RBFOX1: variants seen among roughly 807,000 people sequenced by gnomAD.
RBFOX1 encodes the protein RNA binding fox-1 homolog 1.
RBFOX1 carries 8 observed loss-of-function variants against 57.7 expected under a neutral mutation model. That is an observed-to-expected ratio of 0.14 (90% CI 0.08 to 0.25). The LOEUF is 0.25. Ranked by LOEUF, RBFOX1 falls within the 10% of genes least tolerant of loss-of-function variation. The pLI is 1.00. For synonymous variants in RBFOX1, 326 were observed against 222.4 expected, an observed-to-expected ratio of 1.47 and a Z score of -4.15; for missense variants, 611 against 548.5, an observed-to-expected ratio of 1.11 and a Z score of -1.14.
intron 3 of RBFOX1, among the ~76,000 whole-genome samples, chr16:5,781,249 T>A (rs903022667): frequency 2.0e-5 from 3 of 152,046 alleles, no homozygotes; most frequent in Non-Finnish European, 4.4e-5. Flanking sequence ...ATCCTCTAAG[T>A]GGGGGAAATG....
At chr16:6,762,762 G>C (rs180931707) in intron 3 of RBFOX1, among the ~76,000 whole-genome samples, 2 of 151,208 alleles carry the variant, frequency 1.3e-5, no homozygotes, top group South Asian at 4.2e-4. Context: ...CTTACCCCAA[G>C]GGGATAGGGG....
intron 3 of RBFOX1, among the ~76,000 whole-genome samples, chr16:5,708,186 G>A (rs535374521): frequency 6.6e-6 from 1 of 152,274 alleles, no homozygotes; most frequent in Non-Finnish European, 1.5e-5. Context: ...GTTATCTCAT[G>A]AACTTGAACT....
chr16:7,644,692 A>G (rs2063424992), intron 11 of RBFOX1, among the ~76,000 whole-genome samples: 1 of 152,244 alleles, frequency 6.6e-6, no homozygotes, highest in Non-Finnish European at 1.5e-5. Flanking sequence ...AGTAGGGACC[A>G]ACATAGAGTC....
chr16:7,325,289 T>C (rs764473579), intron 4 of RBFOX1, among the ~76,000 whole-genome samples: 7 of 152,176 alleles, frequency 4.6e-5, no homozygotes, highest in Non-Finnish European at 8.8e-5. Flanking sequence ...TCGCAGATAA[T>C]AAATCTGAGG....
intron 4 of RBFOX1, among the ~76,000 whole-genome samples, chr16:7,157,914 A>G (rs1043795813): frequency 6.6e-6 from 1 of 152,190 alleles, no homozygotes; most frequent in African/African-American, 2.4e-5. Flanking sequence ...ACTTCCGAGG[A>G]GCTGTGTTTG....
At chr16:6,680,294 T>TTTTTTTTTTTTTTTTAGCCCAGGCTGG in intron 3 of RBFOX1, among the ~76,000 whole-genome samples, 1 of 103,052 alleles carries the variant, frequency 9.7e-6, no homozygotes, top group African/African-American at 3.6e-5. Flanking sequence ...TTTTTTTTTT[T>TTTTTTTTTTTTTTTTAGCCCAGGCTGG]ATTTGTCGCC....
intron 1 of RBFOX1, among the ~76,000 whole-genome samples, chr16:5,255,722 A>G (rs1019793093): frequency 1.3e-5 from 2 of 151,806 alleles, no homozygotes; most frequent in Admixed American, 1.3e-4. Flanking sequence ...CCATGTACGT[A>G]TCCATCCATC....
chr16:7,180,515 G>T lies in RBFOX1; in HGVS notation c.27+128417G>T, dbSNP rs768902936. Among the ~76,000 whole-genome samples the T allele has an allele frequency of 8.3e-4, 127 of 152,100 alleles. 1 individual carries two copies. The highest frequency in any genetic ancestry group is 1.5e-3 in the Non-Finnish European group (103 of 68,016). ...CACTAGTATTCATTTATCTGGTAGGGTCCTTTGATTTTATTGGGTAGTGCT... is the reference window on the plus strand; with the variant it reads ...CACTAGTATTCATTTATCTGGTAGGTTCCTTTGATTTTATTGGGTAGTGCT... On this transcript the variant is annotated intron_variant, in intron 4 of 15. Coordinates refer to ENST00000550418, the MANE Select transcript of RBFOX1 (RefSeq NM_018723.4).
chr16:5,773,754 G>C (rs979799195), intron 3 of RBFOX1, among the ~76,000 whole-genome samples: 1 of 152,138 alleles, frequency 6.6e-6, no homozygotes, highest in Admixed American at 6.5e-5. Flanking sequence ...CTGGAGTGCA[G>C]TGGTGTGATC....
intron 3 of RBFOX1, among the ~76,000 whole-genome samples, chr16:6,940,831 T>A (rs1239786647): frequency 3.9e-5 from 5 of 129,306 alleles, no homozygotes; most frequent in South Asian, 2.7e-4. Flanking sequence ...TACAGGCGCC[T>A]GCCACCATGT....
At chr16:7,076,708 C>T (rs1474593685) in intron 4 of RBFOX1, among the ~76,000 whole-genome samples, 1 of 152,164 alleles carries the variant, frequency 6.6e-6, no homozygotes, top group East Asian at 1.9e-4. Flanking sequence ...ATACCACCTT[C>T]CCATTTCTAA....
chr16:5,446,899 C>G lies in RBFOX1; in HGVS notation c.220-20317C>G, dbSNP rs1401542963. On this transcript the variant is annotated intron_variant, in intron 1 of 2. Transcript: ENST00000585867. ...CATCCCAGCTTCCCTAGGAAGTGGT[C>G]TTTTCTCCCTGAGGCTCCGTTTCCT... Among the ~76,000 whole-genome samples, 3 of 152,138 alleles carry G rather than the reference C, an allele frequency of 2.0e-5. No individual in the cohort carries two copies. The East Asian group carries it at 5.8e-4, about 29-fold the overall frequency.
At chr16:6,512,399 G>A (rs143990453) in intron 2 of RBFOX1, among the ~76,000 whole-genome samples, 1 of 151,948 alleles carries the variant, frequency 6.6e-6, no homozygotes, top group East Asian at 1.9e-4. Context: ...TTCAAGCCTC[G>A]GGTAGGATAG....
At chr16:6,805,020 A>G (rs951117640) in intron 3 of RBFOX1, among the ~76,000 whole-genome samples, 2 of 152,178 alleles carry the variant, frequency 1.3e-5, no homozygotes, top group Admixed American at 6.5e-5. Context: ...ATACCATTTG[A>G]CCTACCAGTC....
At chr16:7,268,276 A>C (rs1213754308) in intron 4 of RBFOX1, among the ~76,000 whole-genome samples, 1 of 152,164 alleles carries the variant, frequency 6.6e-6, no homozygotes, top group Non-Finnish European at 1.5e-5. Flanking sequence ...TTGCATTTTC[A>C]AAATATTTTG....
At chr16:5,869,031 G>A (rs1355497730) in intron 4 of RBFOX1, among the ~76,000 whole-genome samples, 1 of 152,100 alleles carries the variant, frequency 6.6e-6, no homozygotes, top group Non-Finnish European at 1.5e-5. Context: ...GAGTGAACTG[G>A]GACTTAGAAA....
At chr16:5,968,447 T>A (rs2059895668) in intron 4 of RBFOX1, among the ~76,000 whole-genome samples, 1 of 152,222 alleles carries the variant, frequency 6.6e-6, no homozygotes, top group Non-Finnish European at 1.5e-5. Flanking sequence ...TTACAGTTTA[T>A]ATCCTTTCTG....
chr16:7,095,679 G>C (rs1013608878), intron 4 of RBFOX1, among the ~76,000 whole-genome samples: 1 of 152,138 alleles, frequency 6.6e-6, no homozygotes, highest in Admixed American at 6.5e-5. Flanking sequence ...GTAAGGTCTT[G>C]GTTGATCACT....
intron 5 of RBFOX1, among the ~76,000 whole-genome samples, chr16:7,529,291 A>C (rs1180138397): frequency 6.6e-6 from 1 of 152,064 alleles, no homozygotes; most frequent in Non-Finnish European, 1.5e-5. Context: ...GAAAAAGAAA[A>C]CTCAAATACT....
Sources: gnomAD v4.1 joint callset for allele counts (sites outside exome capture counted in the v4.1 genomes callset) on GRCh38, gnomAD v4.1.1 for gene constraint, MANE v1.5 for transcripts, NCBI Gene and HGNC (gene_info 2026-07-23, HGNC 2026-07-21) for gene names.